Variants in CTNNA3 observed in about 807,000 individuals in gnomAD.
CTNNA3 encodes the protein catenin alpha 3, also known as catenin alpha-3.
CTNNA3 carries 76 observed loss-of-function variants against 95.7 expected under a neutral mutation model. The ratio of observed to expected loss-of-function variants is 0.79; its 90% CI spans 0.66 to 0.96. CTNNA3 has a LOEUF of 0.96. CTNNA3 is among the 40% of genes least tolerant of loss of function. The pLI, the probability that CTNNA3 is intolerant of heterozygous loss-of-function variation, is 0.00. For missense variants in CTNNA3, 1,191 were observed against 1,089.8 expected, an observed-to-expected ratio of 1.09 and a Z score of -1.31; for synonymous variants, 431 against 374.4, an observed-to-expected ratio of 1.15 and a Z score of -1.74.
intron 5 of CTNNA3, among the ~76,000 whole-genome samples, chr10:67,417,286 G>T (rs1589270438): frequency 6.6e-6 from 1 of 152,002 alleles, no homozygotes; most frequent in East Asian, 1.9e-4. Flanking sequence ...TAGACATTGT[G>T]GACTCCAAGA....
chr10:66,949,829 T>A (rs1322245732), intron 7 of CTNNA3, among the ~76,000 whole-genome samples: 2 of 152,162 alleles, frequency 1.3e-5, no homozygotes, highest in Non-Finnish European at 2.9e-5. Context: ...ACATGTTTTG[T>A]GATTCTAACA....
chr10:67,575,612 C>G (rs1174836022), intron 3 of CTNNA3, among the ~76,000 whole-genome samples: 1 of 152,162 alleles, frequency 6.6e-6, no homozygotes. Flanking sequence ...TTCAGACCCA[C>G]TGCTCATTTC....
intron 13 of CTNNA3, among the ~76,000 whole-genome samples, chr10:66,194,807 C>T (rs1429056437): frequency 3.9e-5 from 6 of 152,146 alleles, no homozygotes; most frequent in African/African-American, 1.2e-4. Flanking sequence ...TTTTTCTAGA[C>T]CAGCACTGGA....
intron 9 of CTNNA3, among the ~76,000 whole-genome samples, chr10:66,668,793 C>G (rs975675230): frequency 5.3e-5 from 8 of 152,010 alleles, no homozygotes; most frequent in Admixed American, 1.3e-4. Flanking sequence ...GCCTGGGCGA[C>G]AGAGTCAGAC....
At chr10:66,256,086 C>T (rs2090760535) in intron 13 of CTNNA3, among the ~76,000 whole-genome samples, 1 of 152,134 alleles carries the variant, frequency 6.6e-6, no homozygotes, top group South Asian at 2.1e-4. Flanking sequence ...CAGACAGAGG[C>T]AGGGGCAGGT....
At chr10:66,871,602 T>A (rs1279384875) in intron 7 of CTNNA3, among the ~76,000 whole-genome samples, 7 of 151,590 alleles carry the variant, frequency 4.6e-5, no homozygotes, top group African/African-American at 1.7e-4. Context: ...CAACAATATG[T>A]TTTTCTAATA....
chr10:66,435,332 A>T (rs1345675517), intron 11 of CTNNA3, among the ~76,000 whole-genome samples: 1 of 151,780 alleles, frequency 6.6e-6, no homozygotes, highest in Non-Finnish European at 1.5e-5. Context: ...AGATCTTGTT[A>T]TTGTTCTGTT....
intron 7 of CTNNA3, among the ~76,000 whole-genome samples, chr10:67,113,747 G>T (rs1008233050): frequency 3.3e-5 from 5 of 152,070 alleles, no homozygotes; most frequent in Non-Finnish European, 7.4e-5. Flanking sequence ...TAAATGTTTG[G>T]ATATAATTAT....
intron 2 of CTNNA3, among the ~76,000 whole-genome samples, chr10:67,640,410 A>G (rs1167225505): frequency 9.2e-5 from 14 of 152,176 alleles, no homozygotes; most frequent in Non-Finnish European, 1.5e-4. Flanking sequence ...AATCAATATC[A>G]TGAAAATGGC....
chr10:66,532,411 G>C (rs1841500233), intron 10 of CTNNA3, among the ~76,000 whole-genome samples: 2 of 151,602 alleles, frequency 1.3e-5, no homozygotes, highest in South Asian at 4.2e-4. Context: ...GCAGTGAGCT[G>C]AGATCGCGCC....
intron 5 of CTNNA3, among the ~76,000 whole-genome samples, chr10:67,328,309 C>A (rs1010413795): frequency 1.3e-5 from 2 of 152,182 alleles, no homozygotes; most frequent in Non-Finnish European, 2.9e-5. Context: ...GCACCCGAGG[C>A]TGCTCTGCAA....
At chr10:66,544,782 A>T (rs1841986421) in intron 10 of CTNNA3, among the ~76,000 whole-genome samples, 1 of 152,140 alleles carries the variant, frequency 6.6e-6, no homozygotes, top group Non-Finnish European at 1.5e-5. Context: ...AATATTACAG[A>T]TTGTGTTGTT....
At chr10:66,913,819 T>A (rs1414223468) in intron 7 of CTNNA3, among the ~76,000 whole-genome samples, 1 of 152,174 alleles carries the variant, frequency 6.6e-6, no homozygotes, top group Admixed American at 6.5e-5. Flanking sequence ...AGAAAAGAGT[T>A]TATTTTCTGG....
chr10:67,171,061 C>T (rs1564940159), intron 7 of CTNNA3, among the ~76,000 whole-genome samples: 1 of 152,096 alleles, frequency 6.6e-6, no homozygotes, highest in Non-Finnish European at 1.5e-5. Context: ...TATGTAGCTA[C>T]TAGAAAATTT....
intron 6 of CTNNA3, among the ~76,000 whole-genome samples, chr10:67,188,533 T>C (rs1862970938): frequency 6.6e-6 from 1 of 152,168 alleles, no homozygotes; most frequent in Admixed American, 6.6e-5. Context: ...GGAATCCTTG[T>C]ATGCTGCTGG....
intron 7 of CTNNA3, among the ~76,000 whole-genome samples, chr10:66,956,449 A>G (rs1445610283): frequency 4.6e-5 from 7 of 152,026 alleles, no homozygotes; most frequent in Admixed American, 4.6e-4. Flanking sequence ...TGGCTTGCAG[A>G]GCTTGGGCTG....
At chr10:67,111,795 A>G (rs768313032) in intron 7 of CTNNA3, among the ~76,000 whole-genome samples, 1 of 152,102 alleles carries the variant, frequency 6.6e-6, no homozygotes, top group Non-Finnish European at 1.5e-5. Context: ...ATAATTTAAT[A>G]CATGCAAAGT....
intron 13 of CTNNA3, among the ~76,000 whole-genome samples, chr10:66,138,319 T>C (rs1348293532): frequency 2.6e-5 from 4 of 152,186 alleles, no homozygotes; most frequent in South Asian, 2.1e-4. Context: ...AACCACATGA[T>C]GACATAGTAA....
intron 1 of CTNNA3, among the ~76,000 whole-genome samples, chr10:67,742,932 T>C (rs1196253135): frequency 2.6e-5 from 4 of 150,976 alleles, no homozygotes; most frequent in African/African-American, 7.3e-5. Context: ...TACGCATATA[T>C]CCTCCCAAGA....
Sources: allele counts gnomAD v4.1 joint callset (sites outside exome capture counted in the v4.1 genomes callset), GRCh38; gene constraint gnomAD v4.1.1; transcripts MANE v1.5; gene names NCBI Gene and HGNC (gene_info 2026-07-23, HGNC 2026-07-21).